NBPF14: variants seen among roughly 807,000 people sequenced by gnomAD.
NBPF14 encodes NBPF family member NBPF14.
In NBPF14, 104 loss-of-function variants were observed where a neutral mutation model predicts 91.2. The ratio of observed to expected loss-of-function variants is 1.14; its 90% CI spans 0.97 to 1.34. The LOEUF is 1.34. Among genes scored for constraint, NBPF14 ranks in the 40% most tolerant of loss-of-function variants. NBPF14 has a pLI of 0.00. For missense variants in NBPF14, 908 were observed against 783.0 expected, an observed-to-expected ratio of 1.16 and a Z score of -1.91; for synonymous variants, 294 against 303.8, an observed-to-expected ratio of 0.97 and a Z score of 0.34.
rs1251099328 is a variant in NBPF14, at chr1:148,566,324, G to T, written c.3543-9C>A. ...GCAGCTCCCTGCTGAGCCTGGAAAA[G>T]GAGGAAAAGGTAAAGAATAAGCCAG... On this transcript the variant is annotated splice_polypyrimidine_tract_variant and intron_variant, in intron 28 of 70. Coordinates refer to ENST00000619423, the Ensembl canonical transcript of NBPF14. 2.2e-5 allele frequency: 17 copies of T among 767,516 alleles called. 2 individuals are homozygous for T. Among genetic ancestry groups the T allele is most frequent in the African/African-American group, 1.4e-4 (7 of 48,998 alleles). The allele number at this position is 767,516 out of a possible 1,614,324, so 47.5% of individuals were successfully genotyped here.
rs1230844317 is a variant in NBPF14 at position 148,534,918 on chromosome 1, C to A, written c.8442-62G>T. On this transcript the variant is annotated intron_variant, in intron 68 of 70. Coordinates refer to ENST00000619423, the Ensembl canonical transcript of NBPF14. ...GGAATCAGAAACCACACAGCCCCAG[C>A]TAGATTTCATGGCTAACATAAGGAA... is the stretch of plus-strand genomic sequence containing the variant. 1.2e-5 allele frequency: 9 copies of A among 730,156 alleles called. 1 individual carries two copies. The highest frequency in any genetic ancestry group is 7.2e-5 in the South Asian group (5 of 69,104). The allele number at this position is 730,156 out of a possible 1,614,324, so 45.2% of individuals were successfully genotyped here.
intron 20 of NBPF14, 90 bp from the exon 21 acceptor site, chr1:148,572,705 G>C: frequency 1.5e-6 from 1 of 667,746 alleles, no homozygotes; most frequent in Non-Finnish European, 2.6e-6. Context: ...GTAAGGAAGA[G>C]TTTGAAAAGA....
At chr1:148,557,818 T>C (rs1234793464) in intron 39 of NBPF14, among the ~76,000 whole-genome samples, 2 of 102,492 alleles carry the variant, frequency 2.0e-5, no homozygotes. Context: ...TTCCCATCAG[T>C]TCAAAGAAAA....
chr1:148,585,354 A>G, intron 9 of NBPF14, 141 bp from the exon 10 acceptor site: 1 of 638,690 alleles, frequency 1.6e-6, no homozygotes, highest in Non-Finnish European at 2.8e-6. Flanking sequence ...TCTTTAACAG[A>G]ATGCCCTGCC....
exon 69 of NBPF14, chr1:148,534,706 A>C (rs1468851597): frequency 2.4e-6 from 2 of 836,908 alleles, no homozygotes; most frequent in Non-Finnish European, 4.2e-6. Flanking sequence ...GAGCCAAGCC[A>C]AGGTACTGTT....
chr1:148,533,496 G>A (rs1200375695), intron 70 of NBPF14, among the ~76,000 whole-genome samples: 1 of 151,626 alleles, frequency 6.6e-6, no homozygotes, highest in African/African-American at 2.4e-5. Context: ...TAGTGAATTG[G>A]CCAGGTGACA....
At chr1:148,566,498 G>C (rs1261014307) in intron 28 of NBPF14, among the ~76,000 whole-genome samples, 183 bp from the exon 29 acceptor site, 3 of 121,446 alleles carry the variant, frequency 2.5e-5, no homozygotes, top group African/African-American at 6.6e-5. Flanking sequence ...AAGAATGAAA[G>C]AGAAAGACAG....
chr1:148,533,533 C>CT, intron 70 of NBPF14, among the ~76,000 whole-genome samples: 1 of 150,658 alleles, frequency 6.6e-6, no homozygotes, highest in African/African-American at 2.5e-5. Context: ...AAAGGACACT[C>CT]TGAGTTAGTG....
chr1:148,562,053 T>A (rs1314839384), intron 34 of NBPF14, among the ~76,000 whole-genome samples, 183 bp downstream of exon 34: 1 of 68,462 alleles, frequency 1.5e-5, no homozygotes, highest in Non-Finnish European at 2.5e-5. Flanking sequence ...TAGTAAATGA[T>A]AAGGGGAGGA....
exon 17 of NBPF14, chr1:148,575,646 G>A (rs1659578023): frequency 4.0e-5 from 7 of 174,868 alleles, no homozygotes; most frequent in Middle Eastern, 1.7e-3. Flanking sequence ...CACTGTCCAC[G>A]TCAAGAGCCA....
chr1:148,534,582 C>A (rs1246176247), intron 69 of NBPF14, 102 bp downstream of exon 69: 7 of 832,338 alleles, frequency 8.4e-6, no homozygotes, highest in Non-Finnish European at 1.1e-5. Flanking sequence ...CTGCCTGCGG[C>A]AATGACATCT....
At position 148,593,951 on chromosome 1, in the gene NBPF14, G is replaced by A. The variant is rs1446355576; in HGVS notation, c.176-251C>T. Among the ~76,000 whole-genome samples the A allele has an allele frequency of 1.6e-3, 246 of 149,944 alleles. 2 individuals carry two copies. Among genetic ancestry groups the A allele is most frequent in the African/African-American group, 5.7e-3 (233 of 41,218 alleles). Reference sequence around the variant, plus strand: ...GTTGACAAGATGATTCAACCACAACGAAGTGGAGTCAGAACTCACAGCCCC... The same window carrying A: ...GTTGACAAGATGATTCAACCACAACAAAGTGGAGTCAGAACTCACAGCCCC... On this transcript the variant is annotated intron_variant, in intron 2 of 70. Coordinates refer to ENST00000619423, the Ensembl canonical transcript of NBPF14.
At position 148,534,591 on chromosome 1, in the gene NBPF14, C is replaced by G. The variant is rs1273699681; in HGVS notation, c.8614+93G>C. 8 of 861,470 alleles carry G rather than the reference C, an allele frequency of 9.3e-6. No individual in the cohort carries two copies. The Admixed American group carries it at 1.0e-4, about 11-fold the overall frequency. 53.4% of individuals were successfully genotyped at this position (861,470 alleles called of 1,614,324 possible). ...TAGGTCCTGCCTGCGGCAATGACATCTCTCGGGTGAGTAAGGGCCACTTGG... is the reference window on the plus strand; with the variant it reads ...TAGGTCCTGCCTGCGGCAATGACATGTCTCGGGTGAGTAAGGGCCACTTGG... On this transcript the variant is annotated intron_variant, in intron 69 of 70. Coordinates refer to ENST00000619423, the Ensembl canonical transcript of NBPF14.
chr1:148,576,302 A>T (rs1659718195), intron 16 of NBPF14, 108 bp downstream of exon 16: 1 of 495,684 alleles, frequency 2.0e-6, no homozygotes, highest in Non-Finnish European at 3.5e-6. Context: ...AGTAGGAGTA[A>T]TTCAACCTTC....
intron 69 of NBPF14, among the ~76,000 whole-genome samples, chr1:148,534,463 A>T (rs1384288982): frequency 2.0e-5 from 3 of 151,722 alleles, no homozygotes; most frequent in African/African-American, 7.3e-5. Flanking sequence ...TCAGGGCGCC[A>T]CAGGTATGGC....
chr1:148,578,796 T>C (rs1471933202), intron 13 of NBPF14, among the ~76,000 whole-genome samples: 2 of 149,094 alleles, frequency 1.3e-5, no homozygotes, highest in Admixed American at 6.7e-5. Context: ...CATAGTTTGG[T>C]GTGAGTTTGC....
At chr1:148,578,806 C>T (rs1284459997) in intron 13 of NBPF14, among the ~76,000 whole-genome samples, 1 of 149,470 alleles carries the variant, frequency 6.7e-6, no homozygotes, top group Non-Finnish European at 1.5e-5. Flanking sequence ...TGTGAGTTTG[C>T]CACACCTGCC....
chr1:148,566,516 C>T (rs1174346627), intron 28 of NBPF14, among the ~76,000 whole-genome samples: 2 of 123,836 alleles, frequency 1.6e-5, no homozygotes, highest in African/African-American at 5.6e-5. Context: ...CAGACACACA[C>T]ACACACACAC....
At position 148,533,848 on chromosome 1, in the gene NBPF14, T is replaced by C; in HGVS notation, c.8723+13A>G. The C allele has an allele frequency of 3.9e-6, 3 of 765,454 alleles. No individual in the cohort carries two copies. The highest frequency in any genetic ancestry group is 7.2e-6 in the Non-Finnish European group (3 of 418,288). The allele number at this position is 765,454 out of a possible 1,614,324, so 47.4% of individuals were successfully genotyped here. A position where few individuals can be genotyped will look rare whatever the true frequency, so the allele number is the denominator to read the frequency against. The stretch of plus-strand genomic sequence containing the variant: ...TAACACAGAACTAAGGATCCACAAT[T>C]GCTGAAAGTCACCTGGGGCATGGTG... On this transcript the variant is annotated intron_variant, in intron 70 of 70. Transcript: ENST00000619423.
Sources: allele counts gnomAD v4.1 joint callset (sites outside exome capture counted in the v4.1 genomes callset), GRCh38; gene constraint gnomAD v4.1.1; transcripts MANE v1.5; gene names NCBI Gene and HGNC (gene_info 2026-07-23, HGNC 2026-07-21).